Variants in WDFY1 observed in about 807,000 individuals in gnomAD.
The protein encoded by WDFY1 is WD repeat and FYVE domain-containing protein 1.
In WDFY1, 32 loss-of-function variants were observed where a neutral mutation model predicts 56.4. That is an observed-to-expected ratio of 0.57 (90% CI 0.43 to 0.76). The LOEUF (loss-of-function observed/expected upper bound fraction) is 0.76. Ranked by LOEUF, WDFY1 falls within the 30% of genes least tolerant of loss-of-function variation. The pLI is 0.00. For synonymous variants in WDFY1, 192 were observed against 197.3 expected, an observed-to-expected ratio of 0.97 and a Z score of 0.23; for missense variants, 480 against 545.7, an observed-to-expected ratio of 0.88 and a Z score of 1.20.
chr2:223,883,897 C>T (rs61276330), intron 9 of WDFY1, among the ~76,000 whole-genome samples: 7,051 of 152,180 alleles, frequency 0.046, 376 homozygotes, highest in East Asian at 0.27. Flanking sequence ...CCACCTGCCT[C>T]GGCCTCCCAA....
intron 1 of WDFY1, among the ~76,000 whole-genome samples, chr2:223,940,375 CACAT>C (rs1689279439): frequency 6.6e-6 from 1 of 152,154 alleles, no homozygotes; most frequent in Non-Finnish European, 1.5e-5. Context: ...TTTACACACA[CACAT>C]ACACACTTCT....
chr2:223,890,660 ACT>A (rs1693254268), intron 8 of WDFY1, among the ~76,000 whole-genome samples: 1 of 152,054 alleles, frequency 6.6e-6, no homozygotes, highest in Admixed American at 6.6e-5. Context: ...TAATTGCTTC[ACT>A]CTCTTTTCTC....
intron 2 of WDFY1, among the ~76,000 whole-genome samples, chr2:223,916,267 A>C (rs912934020): frequency 6.6e-6 from 1 of 152,228 alleles, no homozygotes; most frequent in Non-Finnish European, 1.5e-5. Context: ...TGCATGCACA[A>C]TGAAATAGGT....
At chr2:223,899,321 A>G (rs1162804600) in intron 5 of WDFY1, 3 of 393,944 alleles carry the variant, frequency 7.6e-6, no homozygotes, top group African/African-American at 6.1e-5. Context: ...TTCAACAGGA[A>G]CTCATTGAGT....
chr2:223,912,394 A>ATTG, intron 2 of WDFY1, 68 bp from the exon 3 acceptor site: 1 of 421,678 alleles, frequency 2.4e-6, no homozygotes, highest in Non-Finnish European at 4.0e-6. Flanking sequence ...CAAAGTGATT[A>ATTG]AGAACTATAT....
chr2:223,889,384 G>T (rs1693229098), intron 8 of WDFY1, among the ~76,000 whole-genome samples: 1 of 152,072 alleles, frequency 6.6e-6, no homozygotes, highest in Non-Finnish European at 1.5e-5. Flanking sequence ...CACTGTTATG[G>T]TCTGGCTCTG....
At chr2:223,924,293 G>C (rs779172720) in intron 1 of WDFY1, among the ~76,000 whole-genome samples, 3 of 152,134 alleles carry the variant, frequency 2.0e-5, no homozygotes, top group Non-Finnish European at 4.4e-5. Flanking sequence ...TCCAGGAACA[G>C]ATGAGAAAAG....
intron 5 of WDFY1, among the ~76,000 whole-genome samples, chr2:223,900,043 A>C (rs1175452428): frequency 1.3e-5 from 2 of 152,238 alleles, no homozygotes; most frequent in African/African-American, 2.4e-5. Context: ...ACAACTCATT[A>C]CTTTCTCGAT....
Position 223,945,276 on chromosome 2 carries a change from G to T in WDFY1, c.9C>A (p.Ala3=). ...TGCTCTGCGGCCTGGAGTGGATTTC[G>T]GCCGCCATGTTCGCGCGGCGACTGC... is the stretch of plus-strand genomic sequence containing the variant. The part of the protein sequence containing the change: MA[A]EIHSRPQSSR... The change falls in exon 1 of 12, where the codon GCC becomes GCA. Residue 3 remains alanine (A), a synonymous_variant. Transcript: ENST00000233055. 1 of 1,574,458 alleles carries T rather than the reference G, an allele frequency of 6.4e-7. No individual in the cohort carries two copies. The highest frequency in any genetic ancestry group is 1.1e-5 in the South Asian group (1 of 88,432).
In WDFY1 at chr2:223,895,593, C is replaced by G; in HGVS notation, c.636G>C (p.Arg212=). 1 of 1,613,920 alleles carries G rather than the reference C, an allele frequency of 6.2e-7. No individual in the cohort carries two copies. The highest frequency in any genetic ancestry group is 8.5e-7 in the Non-Finnish European group (1 of 1,179,936). ...VACLWWDPIQ[R]LLFSGASDNS... is the part of the protein sequence containing the mutation. ...TGTCAGATGCTCCTGAGAAGAGTAACCGCTGAATAGGGTCCCACCAGAGGC... is the reference window on the plus strand; with the variant it reads ...TGTCAGATGCTCCTGAGAAGAGTAAGCGCTGAATAGGGTCCCACCAGAGGC... The change falls in exon 7 of 12, where the codon CGG becomes CGC. Residue 212 remains arginine, a synonymous_variant. Transcript: ENST00000233055.
chr2:223,883,846 A>T lies in WDFY1; in HGVS notation c.933+802T>A, dbSNP rs537171023. 2.0e-5 allele frequency among the ~76,000 whole-genome samples: 3 copies of T among 152,216 alleles called. No homozygotes were observed. In the South Asian group the frequency reaches 6.2e-4, roughly 32 times the overall value. On this transcript the variant is annotated intron_variant, in intron 9 of 11. Coordinates refer to ENST00000233055, the MANE Select transcript of WDFY1 (RefSeq NM_020830.5). ...TTTTTAGGAGAGACAGGGTTTCGCC[A>T]TGTTAGCCAGGCTGGTCTCAAACTC...
rs1486208911 is a variant in WDFY1, at chr2:223,876,165, T to C, written c.*2506A>G. ...AGAATCGGCATTTCCTTACCACATA[T>C]ATACTAGATGTAAATATAAGGATCT... On this transcript the variant is annotated 3_prime_UTR_variant, in exon 12 of 12. Transcript: ENST00000233055. The C allele has an allele frequency of 6.6e-6, 1 of 152,522 alleles. No individual in the cohort carries two copies. Among genetic ancestry groups the C allele is most frequent in the Admixed American group, 6.6e-5 (1 of 15,246 alleles). 9.4% of individuals were successfully genotyped at this position (152,522 alleles called of 1,614,324 possible).
intron 1 of WDFY1, among the ~76,000 whole-genome samples, chr2:223,936,608 G>A (rs1270305045): frequency 6.6e-6 from 1 of 152,170 alleles, no homozygotes; most frequent in East Asian, 1.9e-4. Context: ...GCCTGCTGCT[G>A]CTGTCCTTAG....
At chr2:223,944,142 CAAAAAT>C (rs1366696531) in intron 1 of WDFY1, among the ~76,000 whole-genome samples, 1 of 152,190 alleles carries the variant, frequency 6.6e-6, no homozygotes, top group Non-Finnish European at 1.5e-5. Context: ...GCAGCCGTGG[CAAAAAT>C]AACTGATCTA....
chr2:223,903,780 A>G (rs1403400233), intron 4 of WDFY1, among the ~76,000 whole-genome samples: 1 of 151,786 alleles, frequency 6.6e-6, no homozygotes, highest in African/African-American at 2.4e-5. Context: ...CCTCCCAAGT[A>G]GTTGGGACTA....
intron 1 of WDFY1, among the ~76,000 whole-genome samples, chr2:223,941,612 G>C (rs908777058): frequency 6.6e-6 from 1 of 151,986 alleles, no homozygotes; most frequent in African/African-American, 2.4e-5. Flanking sequence ...CTCTTCACTA[G>C]ACTGTTCAGC....
At chr2:223,926,809 A>T (rs1693991434) in intron 1 of WDFY1, among the ~76,000 whole-genome samples, 1 of 152,098 alleles carries the variant, frequency 6.6e-6, no homozygotes, top group Admixed American at 6.6e-5. Flanking sequence ...CTGGACTTAC[A>T]GATGTGCAAA....
intron 6 of WDFY1, among the ~76,000 whole-genome samples, chr2:223,897,390 A>ATTTTTTTTTTTTT (rs1553536123): frequency 7.9e-6 from 1 of 125,994 alleles, no homozygotes. Flanking sequence ...ATATATATAT[A>ATTTTTTTTTTTTT]TTTTTTAAGA....
intron 5 of WDFY1, chr2:223,900,822 C>A: frequency 5.9e-6 from 1 of 169,816 alleles, no homozygotes; most frequent in Non-Finnish European, 1.2e-5. Flanking sequence ...CCATTAGAAA[C>A]ACAAAGACAT....
Sources: allele counts gnomAD v4.1 joint callset (sites outside exome capture counted in the v4.1 genomes callset), GRCh38; gene constraint gnomAD v4.1.1; transcripts MANE v1.5; gene names NCBI Gene and HGNC (gene_info 2026-07-23, HGNC 2026-07-21).